MAP3K7: variants seen among roughly 807,000 people sequenced by gnomAD.
MAP3K7 encodes TGF-beta activated kinase 1.
In MAP3K7, 21 loss-of-function variants were observed where a neutral mutation model predicts 84.8. That is an observed-to-expected ratio of 0.25 (90% CI 0.18 to 0.36). The LOEUF (loss-of-function observed/expected upper bound fraction) is 0.36, where lower values mean the gene tolerates loss of function less well. Ranked by LOEUF, MAP3K7 falls within the 10% of genes least tolerant of loss-of-function variation. MAP3K7 has a pLI of 1.00. For synonymous variants in MAP3K7, 241 were observed against 247.7 expected (o/e 0.97, Z 0.25); for missense variants, 503 against 747.7 (o/e 0.67, Z 3.82).
At position 90,571,839 on chromosome 6, in the gene MAP3K7, A is replaced by T. The variant is rs746570218; in HGVS notation, c.121-32T>A. 4 of 1,257,144 alleles carry T rather than the reference A, an allele frequency of 3.2e-6. No individual in the cohort carries two copies. The South Asian group carries it at 5.3e-5, about 17-fold the overall frequency. The allele number at this position is 1,257,144 out of a possible 1,614,324, so 77.9% of individuals were successfully genotyped here. On this transcript the variant is annotated intron_variant, in intron 1 of 16. Transcript: ENST00000369329. ...TAAACAAACAAACAAAAAACAAACAAAAAACACCACAAGAATCGGAATCAA... is the reference window on the plus strand; with the variant it reads ...TAAACAAACAAACAAAAAACAAACATAAAACACCACAAGAATCGGAATCAA...
chr6:90,573,864 C>T (rs1776984916), intron 1 of MAP3K7, among the ~76,000 whole-genome samples: 1 of 152,250 alleles, frequency 6.6e-6, no homozygotes, highest in South Asian at 2.1e-4. Flanking sequence ...GTTGACTTCC[C>T]ATTTCACTCG....
chr6:90,519,375 C>G, intron 14 of MAP3K7, 56 bp from the exon 15 acceptor site: 5 of 1,148,008 alleles, frequency 4.4e-6, no homozygotes, highest in Non-Finnish European at 6.3e-6. Flanking sequence ...TATAAACGAA[C>G]AGCAAGAAAG....
At chr6:90,581,297 C>T (rs1333430671) in intron 1 of MAP3K7, among the ~76,000 whole-genome samples, 1 of 152,110 alleles carries the variant, frequency 6.6e-6, no homozygotes, top group Non-Finnish European at 1.5e-5. Flanking sequence ...TCAGTGACTA[C>T]AGCTGTCAGT....
chr6:90,536,240 G>T, intron 13 of MAP3K7, 97 bp downstream of exon 13: 1 of 906,312 alleles, frequency 1.1e-6, no homozygotes. Context: ...ACAACTTTAG[G>T]TCAACTCATA....
At chr6:90,568,955 A>C (rs1356759811) in intron 2 of MAP3K7, among the ~76,000 whole-genome samples, 2 of 152,216 alleles carry the variant, frequency 1.3e-5, no homozygotes, top group African/African-American at 4.8e-5. Context: ...TCTGCCAAGA[A>C]ATGTTAGGAT....
At chr6:90,579,761 G>C (rs1312391917) in intron 1 of MAP3K7, among the ~76,000 whole-genome samples, 1 of 152,192 alleles carries the variant, frequency 6.6e-6, no homozygotes, top group Non-Finnish European at 1.5e-5. Flanking sequence ...TCAAATGATA[G>C]TATGAAACCT....
chr6:90,545,832 C>T (rs528430308), intron 11 of MAP3K7, among the ~76,000 whole-genome samples: 6 of 152,102 alleles, frequency 3.9e-5, no homozygotes, highest in African/African-American at 1.2e-4. Context: ...TGTAGCCATT[C>T]GACCATGTTA....
chr6:90,521,697 G>C (rs995401824), intron 14 of MAP3K7, among the ~76,000 whole-genome samples: 8 of 152,004 alleles, frequency 5.3e-5, no homozygotes, highest in Non-Finnish European at 1.0e-4. Context: ...CTAAGCAAAG[G>C]TGAAAATTCT....
At position 90,561,873 on chromosome 6, in the gene MAP3K7, A is replaced by T. The variant is rs146940338; in HGVS notation, c.298-206T>A. On this transcript the variant is annotated intron_variant, in intron 3 of 16. Coordinates refer to ENST00000369329, the MANE Select transcript of MAP3K7 (RefSeq NM_145331.3). ...TTCTAGGAGTCCACTAACAGTGAAG[A>T]TGTATGTAAAATACAATCACAGGAT... 6.0e-4 allele frequency among the ~76,000 whole-genome samples: 91 copies of T among 152,346 alleles called. No individual in the cohort carries two copies. The Middle Eastern group carries it at 0.014, about 23-fold the overall frequency.
At chr6:90,519,481 G>T (rs1402590884) in intron 14 of MAP3K7, among the ~76,000 whole-genome samples, 162 bp from the exon 15 acceptor site, 1 of 151,496 alleles carries the variant, frequency 6.6e-6, no homozygotes, top group Non-Finnish European at 1.5e-5. Flanking sequence ...AATTCTAAAG[G>T]TTAAAAAAAG....
intron 13 of MAP3K7, among the ~76,000 whole-genome samples, chr6:90,524,161 G>T (rs1775246490): frequency 6.6e-6 from 1 of 152,102 alleles, no homozygotes; most frequent in Admixed American, 6.6e-5. Flanking sequence ...TAGGATGGAA[G>T]TAAGACTGGA....
Position 90,576,419 on chromosome 6 carries a change from T to TCTCACACACA in MAP3K7, c.121-4613_121-4612insTGTGTGTGAG, listed in dbSNP as rs1258151898. Among the ~76,000 whole-genome samples the TCTCACACACA allele has an allele frequency of 2.1e-3, 294 of 136,948 alleles. 8 individuals are homozygous for TCTCACACACA. The highest frequency in any genetic ancestry group is 3.4e-3 in the Non-Finnish European group (217 of 63,724). 89.8% of individuals were successfully genotyped at this position (136,948 alleles called of 152,430 possible). On this transcript the variant is annotated intron_variant, in intron 1 of 16. Transcript: ENST00000369329. ...GCCTGGGCAACAGAGCTAGACTCTGTCACACACACACACACACACACACAC... is the reference window on the plus strand; with the variant it reads ...GCCTGGGCAACAGAGCTAGACTCTGTCTCACACACACACACACACACACACACACACACAC...
At chr6:90,518,650 T>C in intron 15 of MAP3K7, 88 bp from the exon 16 acceptor site, 1 of 715,198 alleles carries the variant, frequency 1.4e-6, no homozygotes, top group Non-Finnish European at 2.5e-6. Context: ...CTGTGATATA[T>C]TTTTATAGCA....
chr6:90,566,436 A>G (rs1776707041), intron 3 of MAP3K7, among the ~76,000 whole-genome samples: 1 of 152,226 alleles, frequency 6.6e-6, no homozygotes, highest in South Asian at 2.1e-4. Flanking sequence ...ACAGAGAGCC[A>G]AATCATGAGT....
chr6:90,556,149 G>A (rs774326401), intron 6 of MAP3K7, among the ~76,000 whole-genome samples: 4 of 152,214 alleles, frequency 2.6e-5, no homozygotes, highest in East Asian at 1.9e-4. Flanking sequence ...ACTGCTCAGC[G>A]CATGCACACT....
At chr6:90,526,588 T>C (rs189257386) in intron 13 of MAP3K7, among the ~76,000 whole-genome samples, 7 of 151,980 alleles carry the variant, frequency 4.6e-5, no homozygotes, top group African/African-American at 1.7e-4. Context: ...TCTAAATATA[T>C]ATATGAAAAA....
chr6:90,542,350 A>G, intron 12 of MAP3K7: 1 of 984,092 alleles, frequency 1.0e-6, no homozygotes, highest in Non-Finnish European at 1.2e-6. Flanking sequence ...TTAATGTTTG[A>G]TATCTGAGGG....
At chr6:90,557,891 A>T (rs1328578932) in intron 5 of MAP3K7, among the ~76,000 whole-genome samples, 1 of 152,236 alleles carries the variant, frequency 6.6e-6, no homozygotes, top group African/African-American at 2.4e-5. Context: ...TAAACTTGCA[A>T]AAGATAAAAT....
At chr6:90,540,988 G>A (rs1252376253) in intron 12 of MAP3K7, among the ~76,000 whole-genome samples, 1 of 151,582 alleles carries the variant, frequency 6.6e-6, no homozygotes, top group African/African-American at 2.4e-5. Context: ...GATGAAGGTG[G>A]GTGAAAAATA....
Sources: allele counts gnomAD v4.1 joint callset (sites outside exome capture counted in the v4.1 genomes callset), GRCh38; gene constraint gnomAD v4.1.1; transcripts MANE v1.5; gene names NCBI Gene and HGNC (gene_info 2026-07-23, HGNC 2026-07-21).